Variants in COP1 observed in about 807,000 individuals in gnomAD.
COP1 encodes COP1 E3 ubiquitin ligase.
COP1 carries 24 observed loss-of-function variants against 101.3 expected under a neutral mutation model. The observed-to-expected ratio is 0.24, with a 90% confidence interval of 0.17 to 0.33. The LOEUF (loss-of-function observed/expected upper bound fraction) is 0.33. Ranked by LOEUF, COP1 falls within the 10% of genes least tolerant of loss-of-function variation. COP1 has a pLI of 1.00. For missense variants in COP1, 663 were observed against 906.2 expected (o/e 0.73, Z 3.45); for synonymous variants, 347 against 341.9 (o/e 1.01, Z -0.17).
intron 9 of COP1, among the ~76,000 whole-genome samples, chr1:176,102,638 T>G (rs1020560958): frequency 6.6e-6 from 1 of 152,234 alleles, no homozygotes; most frequent in African/African-American, 2.4e-5. Context: ...ACAAACCTCC[T>G]TCTTGCCTGG....
chr1:176,085,999 G>T, intron 9 of COP1, 109 bp from the exon 10 acceptor site: 5 of 531,042 alleles, frequency 9.4e-6, no homozygotes, highest in Non-Finnish European at 1.7e-5. Flanking sequence ...ACAGTAAAAT[G>T]ATCACAAATA....
intron 11 of COP1, among the ~76,000 whole-genome samples, chr1:176,057,699 C>G (rs995342679): frequency 2.0e-5 from 3 of 152,202 alleles, no homozygotes; most frequent in African/African-American, 7.2e-5. Context: ...CTCCACCTCC[C>G]AGCAGCCTGC....
Position 175,945,034 on chromosome 1 carries a change from T to C in COP1, c.*119A>G, listed in dbSNP as rs1159655350. On this transcript the variant is annotated 3_prime_UTR_variant, in exon 20 of 20. Transcript: ENST00000367669. ...AAAAGAAAAAAATATTCAAAACAAA[T>C]CCAAAACCCATGATGACTTTGGGGA... The C allele has an allele frequency of 1.2e-5, 10 of 819,882 alleles. No homozygotes were observed. The South Asian group carries it at 1.6e-4, about 13-fold the overall frequency. 50.8% of individuals were successfully genotyped at this position (819,882 alleles called of 1,614,324 possible).
At chr1:175,964,888 T>C (rs1651809272) in intron 18 of COP1, among the ~76,000 whole-genome samples, 1 of 152,228 alleles carries the variant, frequency 6.6e-6, no homozygotes, top group Non-Finnish European at 1.5e-5. Flanking sequence ...CTTAATATTC[T>C]CTCCATAAGA....
At chr1:175,948,853 A>G (rs1649496849) in intron 18 of COP1, among the ~76,000 whole-genome samples, 1 of 152,120 alleles carries the variant, frequency 6.6e-6, no homozygotes, top group African/African-American at 2.4e-5. Flanking sequence ...TCCTTAAATT[A>G]GCAAATGTTC....
chr1:176,063,047 G>GTTTTTTTTTTTTTT (rs34464104), intron 11 of COP1, among the ~76,000 whole-genome samples: 4 of 90,590 alleles, frequency 4.4e-5, no homozygotes, highest in Non-Finnish European at 5.9e-5. Context: ...TTTTGAAAAT[G>GTTTTTTTTTTTTTT]TTTTTTTTTT....
intron 11 of COP1, among the ~76,000 whole-genome samples, chr1:176,053,833 C>A (rs1391104504): frequency 6.6e-6 from 1 of 152,200 alleles, no homozygotes; most frequent in South Asian, 2.1e-4. Context: ...CTCCCTCACA[C>A]AACTTTGCAC....
intron 18 of COP1, among the ~76,000 whole-genome samples, chr1:175,974,612 G>A (rs556170793): frequency 6.6e-5 from 10 of 152,228 alleles, no homozygotes; most frequent in South Asian, 2.1e-4. Context: ...GTTTAAGATC[G>A]AATAGGTAAT....
At chr1:176,113,732 CAACTT>C (rs1212055879) in intron 9 of COP1, among the ~76,000 whole-genome samples, 1 of 152,028 alleles carries the variant, frequency 6.6e-6, no homozygotes, top group Admixed American at 6.6e-5. Flanking sequence ...GTGTTAGAAA[CAACTT>C]AAAGGATTAA....
chr1:176,070,184 G>A lies in COP1; in HGVS notation c.1277+10968C>T, dbSNP rs180978076. ...AGCTGCTCCAACCAAAACCTTAGAA[G>A]TTATTTCCCTCTGCTTCAAGGTCAA... is the stretch of plus-strand genomic sequence containing the variant. On this transcript the variant is annotated intron_variant, in intron 11 of 19. Transcript: ENST00000367669. Among the ~76,000 whole-genome samples, 1,191 of 152,086 alleles carry A rather than the reference G, an allele frequency of 7.8e-3. 8 individuals carry two copies. Among genetic ancestry groups the A allele is most frequent in the South Asian group, 0.031 (151 of 4,806 alleles).
intron 15 of COP1, among the ~76,000 whole-genome samples, chr1:176,005,631 G>A (rs1036254171): frequency 6.6e-6 from 1 of 152,168 alleles, no homozygotes; most frequent in Non-Finnish European, 1.5e-5. Flanking sequence ...TTCAGGAGCA[G>A]GTTGTTCAGT....
At chr1:176,086,610 G>C (rs188868698) in intron 9 of COP1, among the ~76,000 whole-genome samples, 1 of 152,044 alleles carries the variant, frequency 6.6e-6, no homozygotes, top group Non-Finnish European at 1.5e-5. Context: ...CGAAATAAGA[G>C]GACACAAACA....
At chr1:176,018,515 C>G (rs1049626414) in intron 15 of COP1, 3 of 151,996 alleles carry the variant, frequency 2.0e-5, no homozygotes, top group Non-Finnish European at 4.4e-5. Context: ...GAATCAGAAC[C>G]CTTTTTACTC....
chr1:176,096,449 C>T lies in COP1; in HGVS notation c.1027-10559G>A, dbSNP rs538598441. The stretch of plus-strand genomic sequence containing the variant: ...TCTGCCACATGAGTGCAGTGTCCAA[C>T]GACCACACAGGGCGGGAATGAGCCA... On this transcript the variant is annotated intron_variant, in intron 9 of 19. Transcript: ENST00000367669. Among the ~76,000 whole-genome samples, 419 of 152,296 alleles carry T rather than the reference C, an allele frequency of 2.8e-3. 3 individuals are homozygous for T. The highest frequency in any genetic ancestry group is 9.0e-3 in the African/African-American group (375 of 41,586).
At chr1:175,945,875 T>C (rs1571206233) in intron 19 of COP1, among the ~76,000 whole-genome samples, 1 of 152,216 alleles carries the variant, frequency 6.6e-6, no homozygotes, top group African/African-American at 2.4e-5. Flanking sequence ...TTGACTAATA[T>C]ATGTGCTTCC....
intron 11 of COP1, among the ~76,000 whole-genome samples, chr1:176,069,914 G>A (rs908768338): frequency 6.6e-6 from 1 of 152,084 alleles, no homozygotes. Flanking sequence ...TTTTCTCAGT[G>A]TGCTTTACTA....
At chr1:176,009,877 T>TG (rs5778885) in intron 15 of COP1, among the ~76,000 whole-genome samples, 40,126 of 101,798 alleles carry the variant, frequency 0.39, 8,875 homozygotes, top group Non-Finnish European at 0.41. Context: ...TTAGGTTACT[T>TG]GGGGGGGGGG....
intron 3 of COP1, among the ~76,000 whole-genome samples, chr1:176,168,172 C>G (rs1695434567): frequency 6.6e-6 from 1 of 151,902 alleles, no homozygotes; most frequent in Non-Finnish European, 1.5e-5. Flanking sequence ...ATTCTCCTGC[C>G]TCAGCCTCCC....
At chr1:176,074,108 G>T (rs1677514903) in intron 11 of COP1, among the ~76,000 whole-genome samples, 1 of 152,044 alleles carries the variant, frequency 6.6e-6, no homozygotes, top group Non-Finnish European at 1.5e-5. Context: ...TGTATTTTTA[G>T]TAGAGATGGA....
Sources: gnomAD v4.1 joint callset for allele counts (sites outside exome capture counted in the v4.1 genomes callset) on GRCh38, gnomAD v4.1.1 for gene constraint, MANE v1.5 for transcripts, NCBI Gene and HGNC (gene_info 2026-07-23, HGNC 2026-07-21) for gene names.